Variants in CACNA1B observed in about 807,000 individuals in gnomAD.
CACNA1B encodes the protein calcium voltage-gated channel subunit alpha1 B, also known as voltage-dependent N-type calcium channel subunit alpha-1B.
Under a neutral mutation model 247.2 loss-of-function variants are expected in CACNA1B, and 70 were observed. That is an observed-to-expected ratio of 0.28 (90% confidence interval 0.23 to 0.35). The LOEUF is 0.35. CACNA1B is among the 10% of genes least tolerant of loss of function. The probability of loss-of-function intolerance (pLI) is 1.00; values close to 1 mark genes in which losing one functional copy is unlikely to be tolerated. For missense variants in CACNA1B, 2,367 were observed against 3,197.4 expected, an observed-to-expected ratio of 0.74 and a Z score of 6.26; for synonymous variants, 1,231 against 1,294.4, an observed-to-expected ratio of 0.95 and a Z score of 1.05.
intron 36 of CACNA1B, among the ~76,000 whole-genome samples, chr9:138,078,510 C>T (rs187147080): frequency 6.6e-6 from 1 of 152,234 alleles, no homozygotes; most frequent in Non-Finnish European, 1.5e-5. Flanking sequence ...GCAACTGTTC[C>T]TTAACTTCCA....
At chr9:138,085,790 C>T (rs1960674967) in intron 36 of CACNA1B, among the ~76,000 whole-genome samples, 1 of 151,146 alleles carries the variant, frequency 6.6e-6, no homozygotes, top group East Asian at 2.0e-4. Flanking sequence ...GAATACTATA[C>T]CCAGCAAAGC....
intron 10 of CACNA1B, among the ~76,000 whole-genome samples, chr9:137,961,547 A>G (rs1279234210): frequency 6.6e-6 from 1 of 152,166 alleles, no homozygotes; most frequent in African/African-American, 2.4e-5. Flanking sequence ...TCCCTTTAAT[A>G]TCTAGTTTAT....
In CACNA1B at chr9:138,051,602, C is replaced by G. The variant is rs1043541527; in HGVS notation, c.3711-490C>G. 4.6e-5 allele frequency among the ~76,000 whole-genome samples: 7 copies of G among 151,910 alleles called. No individual in the cohort carries two copies. The highest frequency in any genetic ancestry group is 1.7e-4 in the African/African-American group (7 of 41,314). The stretch of plus-strand genomic sequence containing the variant: ...TGTCTTCCCGCTGTCGGTTTCACGT[C>G]AGCGGGAGGAATGTTAGGACGGCTG... On this transcript the variant is annotated intron_variant, in intron 24 of 46. Coordinates refer to ENST00000371372, the MANE Select transcript of CACNA1B (RefSeq NM_000718.4). The surrounding 1 kb of genome is among the most constrained non-coding windows in gnomAD (Gnocchi z 4.3).
intron 20 of CACNA1B, 75 bp from the exon 21 acceptor site, chr9:138,043,699 G>T: frequency 1.3e-6 from 2 of 1,568,898 alleles, no homozygotes; most frequent in Admixed American, 3.4e-5. Context: ...GGGGGCATGG[G>T]AGCTGGGAGG....
chr9:137,929,025 A>C (rs1315160202), intron 6 of CACNA1B, among the ~76,000 whole-genome samples: 1 of 152,238 alleles, frequency 6.6e-6, no homozygotes, highest in African/African-American at 2.4e-5. Context: ...TTTAAAAATT[A>C]TGACTAATGC....
At chr9:138,005,912 G>A (rs1162968121) in intron 15 of CACNA1B, among the ~76,000 whole-genome samples, 1 of 151,988 alleles carries the variant, frequency 6.6e-6, no homozygotes, top group East Asian at 1.9e-4. Flanking sequence ...GTGAGGTGGT[G>A]GGTGCCTGTA....
At position 137,914,153 on chromosome 9, in the gene CACNA1B, C is replaced by G. The variant is rs542912783; in HGVS notation, c.623-501C>G. Reference sequence around the variant, plus strand: ...CTGCTCTTCCCTCCCAGGGTCCCCTCCTCTTAGCTCCCAGCATTCTCTGCT... The same window carrying G: ...CTGCTCTTCCCTCCCAGGGTCCCCTGCTCTTAGCTCCCAGCATTCTCTGCT... On this transcript the variant is annotated intron_variant, in intron 4 of 46. Transcript: ENST00000371372. This position sits in a 1 kb window ranked among gnomAD's most constrained non-coding sequence, Gnocchi z 4.3. Among the ~76,000 whole-genome samples the G allele has an allele frequency of 2.1e-4, 32 of 152,030 alleles. No homozygotes were observed. The highest frequency in any genetic ancestry group is 7.2e-4 in the African/African-American group (30 of 41,462).
intron 2 of CACNA1B, among the ~76,000 whole-genome samples, 199 bp downstream of exon 2, chr9:137,879,358 G>T (rs1268445640): frequency 6.6e-6 from 1 of 152,250 alleles, no homozygotes; most frequent in Non-Finnish European, 1.5e-5. Context: ...TTAGCCCTGG[G>T]CGTGGCCACG....
At chr9:137,933,852 A>G (rs1957634392) in intron 6 of CACNA1B, among the ~76,000 whole-genome samples, 1 of 152,196 alleles carries the variant, frequency 6.6e-6, no homozygotes. Context: ...CTAGTAAGAC[A>G]TGGTTCCTGT....
chr9:137,959,257 G>A (rs1450085542), intron 10 of CACNA1B, among the ~76,000 whole-genome samples: 2 of 152,094 alleles, frequency 1.3e-5, no homozygotes, highest in Non-Finnish European at 1.5e-5. Flanking sequence ...ATTTTTAGAA[G>A]AGACAGGGTT....
chr9:138,068,207 G>A (rs1321148338), intron 31 of CACNA1B, among the ~76,000 whole-genome samples: 1 of 152,150 alleles, frequency 6.6e-6, no homozygotes, highest in African/African-American at 2.4e-5. Flanking sequence ...GAAAAGACAA[G>A]CCATGATTAA....
At chr9:138,016,442 G>A (rs1163379408) in intron 18 of CACNA1B, among the ~76,000 whole-genome samples, 1 of 152,250 alleles carries the variant, frequency 6.6e-6, no homozygotes, top group African/African-American at 2.4e-5. Context: ...AAAGGAAGGT[G>A]GGTTGGCGTG....
intron 15 of CACNA1B, among the ~76,000 whole-genome samples, chr9:138,000,139 C>CCCAGGCTGGAGT (rs1958549010): frequency 6.6e-6 from 1 of 151,170 alleles, no homozygotes; most frequent in Non-Finnish European, 1.5e-5. Flanking sequence ...CGCTCTGTCG[C>CCCAGGCTGGAGT]CCAGGCTGGA....
intron 20 of CACNA1B, among the ~76,000 whole-genome samples, chr9:138,032,176 C>T (rs367927280): frequency 3.3e-5 from 5 of 151,818 alleles, no homozygotes; most frequent in Admixed American, 6.6e-5. Context: ...TTTAAGACCT[C>T]GTATAGGTTT....
intron 41 of CACNA1B, among the ~76,000 whole-genome samples, 168 bp downstream of exon 41, chr9:138,114,658 T>C (rs753208255): frequency 6.6e-6 from 1 of 152,128 alleles, no homozygotes; most frequent in African/African-American, 2.4e-5. Flanking sequence ...AGTCAGAAAC[T>C]ACACACAGCC....
intron 1 of CACNA1B, 59 bp downstream of exon 1, chr9:137,878,276 CG>C: frequency 8.9e-7 from 1 of 1,121,044 alleles, no homozygotes; most frequent in Non-Finnish European, 1.1e-6. Flanking sequence ...GGGCCGGGGC[CG>C]GGGCCATCTT....
rs541425108 is a variant in CACNA1B, at chr9:137,990,151, G to A, written c.1974+3297G>A. 6.6e-6 allele frequency among the ~76,000 whole-genome samples: 1 copy of A among 152,252 alleles called. No individual in the cohort carries two copies. Among genetic ancestry groups the A allele is most frequent in the South Asian group, 2.1e-4 (1 of 4,824 alleles). ...AGTGAGACCAGCCTTTTGGACTGCGGGCTGCGTGGGAGTGGGGTGAGGCCT... is the reference window on the plus strand; with the variant it reads ...AGTGAGACCAGCCTTTTGGACTGCGAGCTGCGTGGGAGTGGGGTGAGGCCT... On this transcript the variant is annotated intron_variant, in intron 15 of 46. Transcript: ENST00000371372. This position sits in a 1 kb window ranked among gnomAD's most constrained non-coding sequence, Gnocchi z 4.5.
intron 39 of CACNA1B, among the ~76,000 whole-genome samples, chr9:138,107,260 T>TTATC (rs1049513825): frequency 2.0e-5 from 2 of 102,460 alleles, no homozygotes; most frequent in Admixed American, 8.8e-5. Context: ...ATTTATTTAT[T>TTATC]TATTTATATA....
At chr9:137,976,250 C>T (rs1456317987) in intron 12 of CACNA1B, among the ~76,000 whole-genome samples, 1 of 152,228 alleles carries the variant, frequency 6.6e-6, no homozygotes, top group Non-Finnish European at 1.5e-5. Flanking sequence ...GGGAGGTCAC[C>T]CTTCCCTCTT....
Sources: gnomAD v4.1 joint callset for allele counts (sites outside exome capture counted in the v4.1 genomes callset) on GRCh38, gnomAD v4.1.1 for gene constraint, Gnocchi (gnomAD v3.1) non-coding constraint, MANE v1.5 for transcripts, NCBI Gene and HGNC (gene_info 2026-07-23, HGNC 2026-07-21) for gene names.